Variants in YARS2 observed in about 807,000 individuals in gnomAD.
YARS2 encodes the protein tyrosine--tRNA ligase, mitochondrial.
Under a neutral mutation model 45.0 loss-of-function variants are expected in YARS2, and 38 were observed. That is an observed-to-expected ratio of 0.84 (90% CI 0.65 to 1.11). The LOEUF (loss-of-function observed/expected upper bound fraction) is 1.11. Ranked by LOEUF, YARS2 falls within the 50% of genes least tolerant of loss-of-function variation. The pLI is 0.00. For synonymous variants in YARS2, 287 were observed against 245.1 expected, an observed-to-expected ratio of 1.17 and a Z score of -1.60; for missense variants, 602 against 599.8, an observed-to-expected ratio of 1.00 and a Z score of -0.04.
At chr12:32,750,645 AACAT>A (rs1432682907) in intron 3 of YARS2, 70 bp downstream of exon 3, 8 of 1,589,784 alleles carry the variant, frequency 5.0e-6, no homozygotes, top group Non-Finnish European at 6.0e-6. Flanking sequence ...ATAATCCTAA[AACAT>A]ACTCCTACTT....
intron 1 of YARS2, 22 bp from the exon 2 acceptor site, chr12:32,754,107 A>G: frequency 4.3e-6 from 7 of 1,612,140 alleles, no homozygotes; most frequent in Non-Finnish European, 5.1e-6. Context: ...GAACAATTTC[A>G]TTATGTGCCT....
At chr12:32,751,361 C>A (rs1955741865) in intron 2 of YARS2, among the ~76,000 whole-genome samples, 1 of 152,048 alleles carries the variant, frequency 6.6e-6, no homozygotes, top group Admixed American at 6.5e-5. Context: ...AGCCACCAAG[C>A]CCAGCCTCGT....
chr12:32,753,711 A>G (rs113794084), intron 2 of YARS2, among the ~76,000 whole-genome samples: 5 of 152,246 alleles, frequency 3.3e-5, no homozygotes, highest in Non-Finnish European at 7.3e-5. Flanking sequence ...TACATTTTCT[A>G]GCCACCCACT....
In YARS2 at chr12:32,753,968, T is replaced by C; in HGVS notation, c.897A>G (p.Pro299=). 1 of 1,614,240 alleles carries C rather than the reference T, an allele frequency of 6.2e-7. No homozygotes were observed. Among genetic ancestry groups the C allele is most frequent in the Non-Finnish European group, 8.5e-7 (1 of 1,180,042 alleles). ...TGACAAAGAATTGATACAATTCAAA[T>C]GGAGATGTCTTATCTCTGTTTAGCC... The part of the protein sequence containing the change: ...AVWLNRDKTS[P]FELYQFFVRQ... The change falls in exon 2 of 5, where the codon CCA becomes CCG. Residue 299 remains proline (P), a synonymous_variant. Coordinates refer to ENST00000324868, the MANE Select transcript of YARS2 (RefSeq NM_001040436.3).
chr12:32,752,740 C>CA (rs56907654), intron 2 of YARS2: 29,125 of 194,848 alleles, frequency 0.15, 3,335 homozygotes, highest in Non-Finnish European at 0.18. Flanking sequence ...GACACTGCCT[C>CA]AAAAAAAAAA....
In YARS2 at chr12:32,746,549, CAG is replaced by C. The variant is rs1955635889; in HGVS notation, c.*653_*654del. The C allele has an allele frequency of 8.0e-6, 1 of 125,342 alleles. No homozygotes were observed. Among genetic ancestry groups the C allele is most frequent in the Non-Finnish European group, 1.6e-5 (1 of 62,492 alleles). The allele number at this position is 125,342 out of a possible 1,614,324, so 7.8% of individuals were successfully genotyped here. A position where few individuals can be genotyped will look rare whatever the true frequency, so the allele number is the denominator to read the frequency against. On this transcript the variant is annotated 3_prime_UTR_variant, in exon 5 of 5. Coordinates refer to ENST00000324868, the MANE Select transcript of YARS2 (RefSeq NM_001040436.3). ...CTTTTTTTTTTTTTTTTTTTTGAGA[CAG>C]AGTTTCACTCACTACTCATGCTGTC...
chr12:32,748,897 G>C (rs1955688770), intron 4 of YARS2, among the ~76,000 whole-genome samples: 1 of 152,192 alleles, frequency 6.6e-6, no homozygotes, highest in Non-Finnish European at 1.5e-5. Context: ...AGGCACCTGG[G>C]GGTCTTCTGG....
In YARS2 at chr12:32,746,892, G is replaced by A. The variant is rs1189521712; in HGVS notation, c.*312C>T. The A allele has an allele frequency of 3.3e-6, 1 of 305,534 alleles. No homozygotes were observed. The highest frequency in any genetic ancestry group is 2.2e-5 in the African/African-American group (1 of 44,822). 18.9% of individuals were successfully genotyped at this position (305,534 alleles called of 1,614,324 possible). A position where few individuals can be genotyped will look rare whatever the true frequency, so the allele number is the denominator to read the frequency against. ...TTGTTCCTCATCACTACAAAAAGGA[G>A]AGCAGGAAGGGTAAGATAGGAAAGC... On this transcript the variant is annotated 3_prime_UTR_variant, in exon 5 of 5. Transcript: ENST00000324868.
chr12:32,753,325 C>G (rs1054399045), intron 2 of YARS2, among the ~76,000 whole-genome samples: 6 of 152,166 alleles, frequency 3.9e-5, no homozygotes, highest in Non-Finnish European at 8.8e-5. Context: ...TGAATATGGT[C>G]TAACTCTCCA....
At chr12:32,752,672 C>G in intron 2 of YARS2, 1 of 267,916 alleles carries the variant, frequency 3.7e-6, no homozygotes, top group Non-Finnish European at 7.1e-6. Flanking sequence ...ACCCAGGAGG[C>G]GGAGGTTGCA....
chr12:32,746,961 AC>A lies in YARS2; in HGVS notation c.*242del. On this transcript the variant is annotated 3_prime_UTR_variant, in exon 5 of 5. Transcript: ENST00000324868. ...GAAGTATAATTTTAAAAAGAGATTAACCCTGAAAATCATGGTTTTCTATGGT... is the reference window on the plus strand; with the variant it reads ...GAAGTATAATTTTAAAAAGAGATTAACCTGAAAATCATGGTTTTCTATGGT... 1 of 460,834 alleles carries A rather than the reference AC, an allele frequency of 2.2e-6. No homozygotes were observed. Among genetic ancestry groups the A allele is most frequent in the Non-Finnish European group, 3.9e-6 (1 of 258,922 alleles). 28.5% of individuals were successfully genotyped at this position (460,834 alleles called of 1,614,324 possible). A position where few individuals can be genotyped will look rare whatever the true frequency, so the allele number is the denominator to read the frequency against.
chr12:32,748,465 TAA>T (rs533769964), intron 4 of YARS2, among the ~76,000 whole-genome samples: 93 of 149,616 alleles, frequency 6.2e-4, no homozygotes, highest in African/African-American at 2.2e-3. Flanking sequence ...TATATAATAT[TAA>T]AAAAAAAAAT....
intron 2 of YARS2, among the ~76,000 whole-genome samples, chr12:32,753,007 T>G (rs1955777497): frequency 6.6e-6 from 1 of 152,082 alleles, no homozygotes; most frequent in East Asian, 1.9e-4. Context: ...GTACTAAATG[T>G]AGATCAAATC....
intron 3 of YARS2, 135 bp from the exon 4 acceptor site, chr12:32,750,242 C>A: frequency 9.6e-7 from 1 of 1,043,774 alleles, no homozygotes; most frequent in South Asian, 1.6e-5. Flanking sequence ...CGCTCTGTTG[C>A]CCCGGCTGGA....
chr12:32,750,132 C>T (rs766006803), intron 3 of YARS2, 25 bp from the exon 4 acceptor site: 3 of 1,612,664 alleles, frequency 1.9e-6, no homozygotes, highest in Non-Finnish European at 2.5e-6. Context: ...TTAAGAGCTA[C>T]ATCATATAAA....
intron 4 of YARS2, among the ~76,000 whole-genome samples, chr12:32,748,975 A>G (rs967573261): frequency 7.2e-5 from 11 of 152,216 alleles, no homozygotes; most frequent in Admixed American, 2.6e-4. Flanking sequence ...TATATGCTGA[A>G]TTATTTTTTG....
At chr12:32,753,426 ATTACT>A (rs1483365046) in intron 2 of YARS2, among the ~76,000 whole-genome samples, 1 of 152,198 alleles carries the variant, frequency 6.6e-6, no homozygotes. Flanking sequence ...TTATTCCTAG[ATTACT>A]TTGATGTTAC....
At position 32,749,995 on chromosome 12, in the gene YARS2, C is replaced by G. The variant is rs755678710; in HGVS notation, c.1216G>C (p.Gly406Arg). The G allele has an allele frequency of 8.7e-6, 14 of 1,614,054 alleles. No homozygotes were observed. The South Asian group carries it at 1.5e-4, about 18-fold the overall frequency. ...CGGCAAGTATCTAGGACACTTGTTC[C>G]AGGATCGAGAAAAAATTCAGAAAAT... The part of the protein sequence containing the change: ...APFSEFFLDP[G>R]TSVLDTCRKA... The change falls in exon 4 of 5, where the codon GGA becomes CGA. Residue 406 changes from glycine to arginine, a missense_variant. Physicochemically the swap from Gly to Arg is moderately radical, Grantham distance 125 (BLOSUM62 -2). Transcript: ENST00000324868.
At chr12:32,750,142 A>G (rs753357287) in intron 3 of YARS2, 35 bp from the exon 4 acceptor site, 1 of 1,611,438 alleles carries the variant, frequency 6.2e-7, no homozygotes, top group South Asian at 1.1e-5. Flanking sequence ...CATCATATAA[A>G]TGTTTATTCA....
Sources: allele counts gnomAD v4.1 joint callset (sites outside exome capture counted in the v4.1 genomes callset), GRCh38; gene constraint gnomAD v4.1.1; transcripts MANE v1.5; gene names NCBI Gene and HGNC (gene_info 2026-07-23, HGNC 2026-07-21).